Variants in NXPH1 observed in about 807,000 individuals in gnomAD.
NXPH1 encodes neurexophilin 1.
Under a neutral mutation model 23.7 loss-of-function variants are expected in NXPH1, and 5 were observed. The ratio of observed to expected loss-of-function variants is 0.21; its 90% CI spans 0.11 to 0.44. The LOEUF (loss-of-function observed/expected upper bound fraction) is 0.44. Among genes scored for constraint, NXPH1 ranks in the 20% least tolerant of loss-of-function variants. The pLI is 0.99. For missense variants in NXPH1, 324 were observed against 321.6 expected, an observed-to-expected ratio of 1.01 and a Z score of -0.06; for synonymous variants, 144 against 122.2, an observed-to-expected ratio of 1.18 and a Z score of -1.18.
chr7:8,529,113 C>G (rs1283664838), intron 2 of NXPH1, among the ~76,000 whole-genome samples: 3 of 152,238 alleles, frequency 2.0e-5, no homozygotes, highest in East Asian at 1.9e-4. Flanking sequence ...GATGCATTTA[C>G]TCCTTCTCAC....
At chr7:8,521,188 C>G (rs1276446898) in intron 2 of NXPH1, among the ~76,000 whole-genome samples, 1 of 152,120 alleles carries the variant, frequency 6.6e-6, no homozygotes, top group Non-Finnish European at 1.5e-5. Flanking sequence ...CTTAAAGACT[C>G]TAGAGTGCTC....
chr7:8,462,047 C>G (rs188188597), intron 2 of NXPH1, among the ~76,000 whole-genome samples: 2 of 118,176 alleles, frequency 1.7e-5, no homozygotes, highest in East Asian at 5.7e-4. Flanking sequence ...ATCTATATCT[C>G]TATCTCTCTG....
At chr7:8,616,301 C>T (rs906321388) in intron 2 of NXPH1, among the ~76,000 whole-genome samples, 2 of 151,920 alleles carry the variant, frequency 1.3e-5, no homozygotes, top group African/African-American at 4.8e-5. Context: ...TCCCCAGGTA[C>T]CCCCTCACCA....
intron 2 of NXPH1, among the ~76,000 whole-genome samples, chr7:8,577,019 ATGT>A (rs1248307082): frequency 6.6e-6 from 1 of 152,274 alleles, no homozygotes; most frequent in Non-Finnish European, 1.5e-5. Flanking sequence ...AATGCAAATA[ATGT>A]TATTATTATA....
At chr7:8,485,064 T>G (rs746657867) in intron 2 of NXPH1, among the ~76,000 whole-genome samples, 7 of 152,170 alleles carry the variant, frequency 4.6e-5, no homozygotes, top group Non-Finnish European at 8.8e-5. Context: ...AATGGCATTA[T>G]GCCTCTTCTA....
chr7:8,696,885 TATTATCCCAGCACTTTGG>T (rs1188560409), intron 2 of NXPH1, among the ~76,000 whole-genome samples: 1 of 146,300 alleles, frequency 6.8e-6, no homozygotes, highest in African/African-American at 2.5e-5. Flanking sequence ...AGCTCATGCC[TATTATCCCAGCACTTTGG>T]GAGGCTGAGG....
chr7:8,718,304 C>T (rs1386478608), intron 2 of NXPH1, among the ~76,000 whole-genome samples: 5 of 152,058 alleles, frequency 3.3e-5, no homozygotes, highest in Non-Finnish European at 7.4e-5. Context: ...TACTGAAGAC[C>T]GCAAACCAAT....
chr7:8,683,109 T>C (rs1410745242), intron 2 of NXPH1, among the ~76,000 whole-genome samples: 15 of 152,188 alleles, frequency 9.9e-5, no homozygotes, highest in Non-Finnish European at 2.2e-4. Context: ...TGGCTTCTGG[T>C]GAGGCCTCAA....
chr7:8,551,189 A>C (rs1278425785), intron 2 of NXPH1, among the ~76,000 whole-genome samples: 1 of 151,544 alleles, frequency 6.6e-6, no homozygotes, highest in African/African-American at 2.4e-5. Flanking sequence ...GTCAACTATT[A>C]TACCCTATTC....
chr7:8,651,388 T>C (rs576949607), intron 2 of NXPH1, among the ~76,000 whole-genome samples: 1 of 108,146 alleles, frequency 9.2e-6, no homozygotes, highest in Non-Finnish European at 2.0e-5. Flanking sequence ...ACATTTGGGT[T>C]GGTTCCAAGT....
At chr7:8,495,703 T>C (rs562854356) in intron 2 of NXPH1, among the ~76,000 whole-genome samples, 85 of 152,184 alleles carry the variant, frequency 5.6e-4, no homozygotes, top group African/African-American at 2.0e-3. Context: ...TTACCTCCTC[T>C]GCCTCAAGCT....
intron 2 of NXPH1, among the ~76,000 whole-genome samples, chr7:8,598,884 A>G (rs1819291337): frequency 6.6e-6 from 1 of 152,116 alleles, no homozygotes; most frequent in South Asian, 2.1e-4. Flanking sequence ...TGCCTGCTGT[A>G]GGCTCTGGGA....
intron 2 of NXPH1, among the ~76,000 whole-genome samples, chr7:8,627,908 A>G (rs766650077): frequency 3.9e-5 from 6 of 152,120 alleles, no homozygotes; most frequent in Non-Finnish European, 5.9e-5. Context: ...GAAAAAAAGA[A>G]GCACTTTGAG....
intron 2 of NXPH1, among the ~76,000 whole-genome samples, chr7:8,462,481 G>A (rs1687632042): frequency 6.6e-6 from 1 of 152,124 alleles, no homozygotes; most frequent in African/African-American, 2.4e-5. Context: ...CTGAGAAATG[G>A]AGAAAAAACT....
intron 2 of NXPH1, among the ~76,000 whole-genome samples, chr7:8,654,641 A>G (rs535207452): frequency 2.6e-5 from 4 of 152,286 alleles, no homozygotes; most frequent in Non-Finnish European, 2.9e-5. Context: ...AATAGTCACA[A>G]TGATAGTGGC....
intron 2 of NXPH1, among the ~76,000 whole-genome samples, chr7:8,648,535 C>T (rs1015439214): frequency 6.6e-5 from 10 of 152,184 alleles, no homozygotes. Flanking sequence ...ATTGTGTATA[C>T]ACACCACATT....
intron 2 of NXPH1, among the ~76,000 whole-genome samples, chr7:8,555,197 C>A (rs1286823302): frequency 1.3e-5 from 2 of 151,802 alleles, no homozygotes; most frequent in Admixed American, 1.3e-4. Context: ...AACTAACACG[C>A]AACTGATAGA....
chr7:8,707,120 G>A (rs1050857189), intron 2 of NXPH1, among the ~76,000 whole-genome samples: 2 of 152,040 alleles, frequency 1.3e-5, no homozygotes. Context: ...TACTATTTAA[G>A]CTAGAAACCT....
At chr7:8,543,156 A>G (rs1221826885) in intron 2 of NXPH1, among the ~76,000 whole-genome samples, 1 of 151,552 alleles carries the variant, frequency 6.6e-6, no homozygotes, top group African/African-American at 2.4e-5. Context: ...TCTGCTCAAT[A>G]CATATACTGC....
Sources: allele counts gnomAD v4.1 joint callset (sites outside exome capture counted in the v4.1 genomes callset), GRCh38; gene constraint gnomAD v4.1.1; transcripts MANE v1.5; gene names NCBI Gene and HGNC (gene_info 2026-07-23, HGNC 2026-07-21).